AHI1: variants seen among roughly 807,000 people sequenced by gnomAD.
AHI1 encodes the protein Abelson helper integration site 1.
AHI1 carries 123 observed loss-of-function variants against 149.3 expected under a neutral mutation model. The ratio of observed to expected loss-of-function variants is 0.82; its 90% CI spans 0.71 to 0.96. AHI1 has a LOEUF of 0.96. AHI1 is among the 40% of genes least tolerant of loss of function. The probability of loss-of-function intolerance (pLI) is 0.00; values close to 1 mark genes in which losing one functional copy is unlikely to be tolerated. For missense variants in AHI1, 1,439 were observed against 1,422.7 expected (o/e 1.01, Z -0.18); for synonymous variants, 475 against 459.8 (o/e 1.03, Z -0.42).
chr6:135,386,405 G>T (rs879791938), intron 23 of AHI1, among the ~76,000 whole-genome samples: 1 of 151,830 alleles, frequency 6.6e-6, no homozygotes, highest in African/African-American at 2.4e-5. Context: ...CCGCCTCCCG[G>T]GTTCACACCA....
intron 20 of AHI1, among the ~76,000 whole-genome samples, chr6:135,415,495 T>C (rs1009667961): frequency 2.5e-4 from 38 of 152,206 alleles, no homozygotes; most frequent in Non-Finnish European, 2.9e-4. Context: ...GACTTTTTAA[T>C]GATTGCCAAG....
rs561914631 is a variant in AHI1, at chr6:135,400,325, A to C, written c.2988+4626T>G. 2.0e-5 allele frequency among the ~76,000 whole-genome samples: 3 copies of C among 152,308 alleles called. No homozygotes were observed. The East Asian group carries it at 5.8e-4, about 29-fold the overall frequency. ...ACCTTTAAAAAAATGTTTTCAGTGA[A>C]TAATATGTTCCGAGGTGGATTCGAC... On this transcript the variant is annotated intron_variant, in intron 22 of 28. Transcript: ENST00000265602.
chr6:135,407,166 A>G (rs1780907244), intron 21 of AHI1, among the ~76,000 whole-genome samples: 1 of 152,190 alleles, frequency 6.6e-6, no homozygotes, highest in African/African-American at 2.4e-5. Context: ...CCTATTATAT[A>G]CCTGCTGAAC....
At chr6:135,412,221 T>G (rs1346195811) in intron 20 of AHI1, among the ~76,000 whole-genome samples, 1 of 152,208 alleles carries the variant, frequency 6.6e-6, no homozygotes, top group Non-Finnish European at 1.5e-5. Context: ...ACTATTTACA[T>G]AGCATTTATA....
At chr6:135,305,402 A>G (rs574588066) in intron 26 of AHI1, among the ~76,000 whole-genome samples, 25 of 152,248 alleles carry the variant, frequency 1.6e-4, no homozygotes, top group Non-Finnish European at 3.2e-4. Context: ...TGCAAATATG[A>G]GTTTTCAGCA....
At chr6:135,312,512 AAAC>A (rs895087367) in intron 26 of AHI1, among the ~76,000 whole-genome samples, 8 of 152,216 alleles carry the variant, frequency 5.3e-5, no homozygotes, top group African/African-American at 1.2e-4. Flanking sequence ...GACTGTTTCA[AAAC>A]AACAACAACA....
chr6:135,446,608 T>C (rs1387801026), intron 13 of AHI1, among the ~76,000 whole-genome samples: 1 of 152,114 alleles, frequency 6.6e-6, no homozygotes, highest in African/African-American at 2.4e-5. Flanking sequence ...CTCTCCACCA[T>C]GTGAGAATAT....
At chr6:135,293,425 GA>G (rs1782647603) in intron 27 of AHI1, among the ~76,000 whole-genome samples, 2 of 90,232 alleles carry the variant, frequency 2.2e-5, no homozygotes, top group East Asian at 2.9e-4. Context: ...AAAAAAAAAA[GA>G]AAAAAAGAAA....
intron 5 of AHI1, among the ~76,000 whole-genome samples, chr6:135,469,935 G>A (rs1791424855): frequency 6.6e-6 from 1 of 152,092 alleles, no homozygotes; most frequent in East Asian, 1.9e-4. Context: ...AATGTCAACA[G>A]CAACTGCAAT....
At chr6:135,391,205 T>C (rs926333401) in intron 23 of AHI1, among the ~76,000 whole-genome samples, 2 of 152,016 alleles carry the variant, frequency 1.3e-5, no homozygotes, top group Non-Finnish European at 2.9e-5. Flanking sequence ...AAGAAAAAAA[T>C]ACATTTTAGA....
At chr6:135,374,109 T>TATATATATATATATATATA (rs1491273878) in intron 23 of AHI1, among the ~76,000 whole-genome samples, 5 of 25,464 alleles carry the variant, frequency 2.0e-4, no homozygotes, top group Middle Eastern at 0.026. Flanking sequence ...TATATATATA[T>TATATATATATATATATATA]TTTTTTTTTT....
intron 5 of AHI1, among the ~76,000 whole-genome samples, chr6:135,470,561 A>G (rs1485921773): frequency 6.6e-6 from 1 of 152,236 alleles, no homozygotes; most frequent in Non-Finnish European, 1.5e-5. Flanking sequence ...ACATGGAATC[A>G]ACCCAAATGC....
At chr6:135,468,211 A>C (rs1485009481) in intron 5 of AHI1, among the ~76,000 whole-genome samples, 1 of 152,184 alleles carries the variant, frequency 6.6e-6, no homozygotes, top group Admixed American at 6.5e-5. Context: ...CAGCCTCCAA[A>C]AAAATTCACT....
At chr6:135,467,006 A>T (rs1214879010) in intron 6 of AHI1, among the ~76,000 whole-genome samples, 1 of 152,232 alleles carries the variant, frequency 6.6e-6, no homozygotes, top group East Asian at 1.9e-4. Flanking sequence ...GTCAAGTAAT[A>T]CAAGGAAGAG....
intron 26 of AHI1, chr6:135,302,878 C>T (rs1315255513): frequency 1.6e-5 from 19 of 1,187,848 alleles, no homozygotes; most frequent in Non-Finnish European, 1.9e-5. Context: ...CCCCCACCAT[C>T]GACAACGCCA....
At position 135,382,849 on chromosome 6, in the gene AHI1, G is replaced by A. The variant is rs1163573703; in HGVS notation, c.3109+11927C>T. Among the ~76,000 whole-genome samples the A allele has an allele frequency of 4.0e-5, 5 of 125,576 alleles. No individual in the cohort carries two copies. The Admixed American group carries it at 4.9e-4, about 12-fold the overall frequency. The allele number at this position is 125,576 out of a possible 152,430, so 82.4% of individuals were successfully genotyped here. A position where few individuals can be genotyped will look rare whatever the true frequency, so the allele number is the denominator to read the frequency against. ...TCCCCCAGAGGAGGAAACATGAAGA[G>A]CTGCTTGCTTGGTTCCAGGCGGTGC... On this transcript the variant is annotated intron_variant, in intron 23 of 28. Coordinates refer to ENST00000265602, the MANE Select transcript of AHI1 (RefSeq NM_001134831.2).
chr6:135,495,192 AT>A (rs1161620369), intron 3 of AHI1: 3 of 150,788 alleles, frequency 2.0e-5, no homozygotes, highest in African/African-American at 7.3e-5. Flanking sequence ...TAAAAAAAAA[AT>A]CATCATCTAC....
At chr6:135,362,486 G>A (rs78280623) in intron 23 of AHI1, among the ~76,000 whole-genome samples, 1,820 of 152,148 alleles carry the variant, frequency 0.012, 37 homozygotes, top group African/African-American at 0.041. Flanking sequence ...TGTTCCCACC[G>A]GCAATGCAGG....
intron 24 of AHI1, among the ~76,000 whole-genome samples, chr6:135,355,824 G>A (rs185271733): frequency 2.6e-5 from 4 of 152,252 alleles, no homozygotes; most frequent in East Asian, 1.9e-4. Flanking sequence ...GCTTGAACCC[G>A]GGAGACGGAC....
Sources: gnomAD v4.1 joint callset for allele counts (sites outside exome capture counted in the v4.1 genomes callset) on GRCh38, gnomAD v4.1.1 for gene constraint, MANE v1.5 for transcripts, NCBI Gene and HGNC (gene_info 2026-07-23, HGNC 2026-07-21) for gene names.